The following RNF150 variants were observed in gnomAD, a reference collection of about 807,000 sequenced individuals.
RNF150 encodes ring finger protein 150.
A neutral mutation model predicts 39.3 loss-of-function variants in RNF150; 24 were observed. That is an observed-to-expected ratio of 0.61 (90% CI 0.44 to 0.86). The LOEUF is 0.86. Ranked by LOEUF, RNF150 falls within the 40% of genes least tolerant of loss-of-function variation. The pLI, the probability that RNF150 is intolerant of heterozygous loss-of-function variation, is 0.00. For missense variants in RNF150, 502 were observed against 587.8 expected (o/e 0.85, Z 1.51); for synonymous variants, 255 against 227.3 (o/e 1.12, Z -1.10).
At chr4:141,029,085 T>C (rs1390051755) in intron 1 of RNF150, among the ~76,000 whole-genome samples, 1 of 152,210 alleles carries the variant, frequency 6.6e-6, no homozygotes, top group African/African-American at 2.4e-5. Context: ...ACCCAAGATC[T>C]GGCTGCATTT....
intron 1 of RNF150, among the ~76,000 whole-genome samples, chr4:141,007,882 G>T (rs1038898610): frequency 4.6e-5 from 7 of 152,166 alleles, no homozygotes; most frequent in African/African-American, 1.7e-4. Flanking sequence ...CTGCATGAAG[G>T]GTTCTCCAAA....
intron 6 of RNF150, among the ~76,000 whole-genome samples, chr4:140,895,576 G>T (rs546694418): frequency 6.6e-6 from 1 of 152,268 alleles, no homozygotes; most frequent in South Asian, 2.1e-4. Flanking sequence ...TCAGCTCCCA[G>T]AACACATTGT....
chr4:141,000,580 C>T (rs1734628382), intron 1 of RNF150, among the ~76,000 whole-genome samples: 1 of 152,200 alleles, frequency 6.6e-6, no homozygotes, highest in Non-Finnish European at 1.5e-5. Flanking sequence ...AATGCAATGA[C>T]ATTTTATGTC....
chr4:140,958,046 T>C (rs1432186663), intron 2 of RNF150, among the ~76,000 whole-genome samples: 2 of 151,852 alleles, frequency 1.3e-5, no homozygotes, highest in Admixed American at 1.3e-4. Flanking sequence ...AGTATAATAA[T>C]TTAAAAAAAT....
chr4:141,099,793 A>T (rs1234366874), intron 1 of RNF150, among the ~76,000 whole-genome samples: 6 of 147,914 alleles, frequency 4.1e-5, no homozygotes, highest in Admixed American at 2.0e-4. Context: ...TTATATATAT[A>T]AAAAAAAAAC....
At chr4:141,048,357 T>C (rs10510579) in intron 1 of RNF150, among the ~76,000 whole-genome samples, 15,185 of 152,078 alleles carry the variant, frequency 0.1, 917 homozygotes, top group Admixed American at 0.15. Context: ...ACAAAAATAG[T>C]GTTATGCAGC....
At chr4:141,060,999 G>C (rs928499376) in intron 1 of RNF150, among the ~76,000 whole-genome samples, 2 of 152,090 alleles carry the variant, frequency 1.3e-5, no homozygotes, top group African/African-American at 4.8e-5. Context: ...GGGGTCGGGG[G>C]CTAGGGAAGG....
intron 1 of RNF150, among the ~76,000 whole-genome samples, chr4:141,193,443 C>A (rs1038107529): frequency 1.3e-5 from 2 of 152,202 alleles, no homozygotes; most frequent in Non-Finnish European, 2.9e-5. Context: ...TGGGTTTTTA[C>A]CTGTTGATTC....
intron 6 of RNF150, among the ~76,000 whole-genome samples, chr4:140,881,094 G>C (rs908877704): frequency 6.6e-6 from 1 of 150,484 alleles, no homozygotes; most frequent in African/African-American, 2.4e-5. Context: ...AGTTCCTTGA[G>C]GTATAAAGTT....
intron 1 of RNF150, among the ~76,000 whole-genome samples, chr4:141,009,130 G>A (rs1048656803): frequency 3.3e-5 from 5 of 152,260 alleles, no homozygotes; most frequent in Admixed American, 1.3e-4. Context: ...AGAACGTGGA[G>A]CAACTGGAAC....
chr4:141,062,495 CTTTG>C (rs1737276021), intron 1 of RNF150, among the ~76,000 whole-genome samples: 1 of 151,838 alleles, frequency 6.6e-6, no homozygotes, highest in Non-Finnish European at 1.5e-5. Flanking sequence ...GAGGCAGCAC[CTTTG>C]TTTTTTTTTC....
In RNF150 at chr4:141,006,942, T is replaced by C. The variant is rs1227916970; in HGVS notation, c.485-39069A>G. On this transcript the variant is annotated intron_variant, in intron 1 of 6. Transcript: ENST00000515673. ...GATAAAATAGTGTTGGTCTACAATA[T>C]AGATATCTGTAAGAAAACTACACGT... is the stretch of plus-strand genomic sequence containing the variant. 2.0e-5 allele frequency among the ~76,000 whole-genome samples: 3 copies of C among 152,204 alleles called. 1 individual carries two copies. Among genetic ancestry groups the C allele is most frequent in the Admixed American group, 1.3e-4 (2 of 15,278 alleles).
intron 1 of RNF150, among the ~76,000 whole-genome samples, chr4:141,118,959 C>T (rs1308923137): frequency 6.6e-6 from 1 of 152,054 alleles, no homozygotes; most frequent in Non-Finnish European, 1.5e-5. Flanking sequence ...CAGGGTTTTG[C>T]CTTGTTGGCC....
chr4:140,901,417 G>A (rs960500698), intron 6 of RNF150, among the ~76,000 whole-genome samples: 5 of 152,142 alleles, frequency 3.3e-5, no homozygotes, highest in Admixed American at 6.5e-5. Context: ...TCATACTATC[G>A]TTCTGGAGAA....
At chr4:141,138,730 A>G (rs1727067772) in intron 1 of RNF150, among the ~76,000 whole-genome samples, 1 of 152,146 alleles carries the variant, frequency 6.6e-6, no homozygotes, top group African/African-American at 2.4e-5. Flanking sequence ...GGGCAATTTT[A>G]ACTGTGCTGA....
Position 140,967,815 on chromosome 4 carries a change from G to C in RNF150, c.543C>G (p.Ser181Arg), listed in dbSNP as rs757504087. The C allele has an allele frequency of 7.4e-6, 12 of 1,613,404 alleles. No homozygotes were observed. Among genetic ancestry groups the C allele is most frequent in the Non-Finnish European group, 9.3e-6 (11 of 1,179,564 alleles). ...IPEPKGKEIV[S>R]LLERNITVTM... ...TCACGGTGATGTTTCTTTCCAGCAG[G>C]CTTACTATCTCCTTCCCTTTTGGCT... is the stretch of plus-strand genomic sequence containing the variant. The change falls in exon 2 of 7, where the codon AGC becomes AGG. Residue 181 changes from serine to arginine, a missense_variant. By Grantham distance (110) the Ser-to-Arg change is moderately radical (BLOSUM62 -1). Coordinates refer to ENST00000515673, the MANE Select transcript of RNF150 (RefSeq NM_020724.2).
At chr4:141,130,596 TCTTA>T (rs1415122570) in intron 1 of RNF150, among the ~76,000 whole-genome samples, 3 of 152,206 alleles carry the variant, frequency 2.0e-5, no homozygotes, top group Non-Finnish European at 2.9e-5. Flanking sequence ...AAATGATGCC[TCTTA>T]CTTTATGTTC....
chr4:141,100,941 A>G (rs1310416209), intron 1 of RNF150, among the ~76,000 whole-genome samples: 1 of 152,212 alleles, frequency 6.6e-6, no homozygotes, highest in Non-Finnish European at 1.5e-5. Flanking sequence ...AAGATTTAAA[A>G]TGGTACACCC....
At chr4:140,954,097 T>C (rs552604744) in intron 2 of RNF150, among the ~76,000 whole-genome samples, 44 of 152,316 alleles carry the variant, frequency 2.9e-4, no homozygotes, top group African/African-American at 8.7e-4. Flanking sequence ...TTCAGGTGGA[T>C]TGAGGAACCA....
Sources: allele counts gnomAD v4.1 joint callset (sites outside exome capture counted in the v4.1 genomes callset), GRCh38; gene constraint gnomAD v4.1.1; transcripts MANE v1.5; gene names NCBI Gene and HGNC (gene_info 2026-07-23, HGNC 2026-07-21).